The following B4GALT7 variants were observed in gnomAD, a reference collection of about 807,000 sequenced individuals.
B4GALT7 encodes the protein beta-1,4-galactosyltransferase 7.
A neutral mutation model predicts 33.0 loss-of-function variants in B4GALT7; 30 were observed. The observed-to-expected ratio is 0.91, with a 90% CI of 0.68 to 1.23. B4GALT7 has a LOEUF of 1.23. Ranked by LOEUF, B4GALT7 falls within the 50% of genes most tolerant of loss-of-function variation. The pLI is 0.00. For missense variants in B4GALT7, 507 were observed against 450.8 expected (o/e 1.12, Z -1.13); for synonymous variants, 213 against 187.2 (o/e 1.14, Z -1.13).
rs1581992878 is a variant in B4GALT7 at position 177,604,540 on chromosome 5, A to C, written c.412A>C (p.Arg138=). The change falls in exon 2 of 6, where the codon AGG becomes CGG. Residue 138 remains arginine (R), a splice_region_variant and synonymous_variant. Coordinates refer to ENST00000029410, the MANE Select transcript of B4GALT7 (RefSeq NM_007255.3). ...IYVLNQVDHF[R]FNRAALINVG... Reference sequence around the variant, plus strand: ...CGTGCTCAACCAGGTGGACCACTTCAGGTAGCGCCCGCCCCCACCCTCTCC... The same window carrying C: ...CGTGCTCAACCAGGTGGACCACTTCCGGTAGCGCCCGCCCCCACCCTCTCC... 4.3e-6 allele frequency: 7 copies of C among 1,613,642 alleles called. No homozygotes were observed. Among genetic ancestry groups the C allele is most frequent in the Non-Finnish European group, 5.9e-6 (7 of 1,179,914 alleles).
At position 177,610,072 on chromosome 5, in the gene B4GALT7, CAG is replaced by C. The variant is rs1191919023; in HGVS notation, c.*381_*382del. ...TTCCTTCCTGCTGGGCTGCCTCGTG[CAG>C]AGACACAGTGTAGGGGCCATGCAGC... On this transcript the variant is annotated 3_prime_UTR_variant, in exon 6 of 6. Transcript: ENST00000029410. The C allele has an allele frequency of 3.1e-6, 1 of 326,730 alleles. No homozygotes were observed. The highest frequency in any genetic ancestry group is 2.1e-5 in the African/African-American group (1 of 46,836). The allele number at this position is 326,730 out of a possible 1,614,324, so 20.2% of individuals were successfully genotyped here. A position where few individuals can be genotyped will look rare whatever the true frequency, so the allele number is the denominator to read the frequency against.
Position 177,608,323 on chromosome 5 carries a change from G to A in B4GALT7, c.640-216G>A. 7.0e-6 allele frequency: 4 copies of A among 575,090 alleles called. No individual in the cohort carries two copies. Among genetic ancestry groups the A allele is most frequent in the South Asian group, 4.1e-5 (2 of 48,672 alleles). 35.6% of individuals were successfully genotyped at this position (575,090 alleles called of 1,614,324 possible). A position where few individuals can be genotyped will look rare whatever the true frequency, so the allele number is the denominator to read the frequency against. On this transcript the variant is annotated intron_variant, in intron 3 of 5. Coordinates refer to ENST00000029410, the MANE Select transcript of B4GALT7 (RefSeq NM_007255.3). This position sits in a 1 kb window ranked among gnomAD's most constrained non-coding sequence, Gnocchi z 4.1. ...TGGGCAGCCAGCCGTTTTTGAGAAGGTGAGCCTCTCACACAGGTTCAAGGC... is the reference window on the plus strand; with the variant it reads ...TGGGCAGCCAGCCGTTTTTGAGAAGATGAGCCTCTCACACAGGTTCAAGGC...
chr5:177,609,814 A>C lies in B4GALT7; in HGVS notation c.*119A>C. 7.1e-7 allele frequency: 1 copy of C among 1,399,926 alleles called. No individual in the cohort carries two copies. The highest frequency in any genetic ancestry group is 9.8e-7 in the Non-Finnish European group (1 of 1,022,802). The allele number at this position is 1,399,926 out of a possible 1,614,324, so 86.7% of individuals were successfully genotyped here. On this transcript the variant is annotated 3_prime_UTR_variant, in exon 6 of 6. Coordinates refer to ENST00000029410, the MANE Select transcript of B4GALT7 (RefSeq NM_007255.3). ...TGGAGTGGCCAGGACCAAGACAGCA[A>C]GCTACGCAATTGCAGCCACCCGGCC...
At chr5:177,601,710 G>A (rs1364745261) in intron 1 of B4GALT7, among the ~76,000 whole-genome samples, 1 of 152,206 alleles carries the variant, frequency 6.6e-6, no homozygotes, top group Non-Finnish European at 1.5e-5. Context: ...AGTGATTGAT[G>A]AGGGAGACAA....
In B4GALT7 at chr5:177,607,521, C is replaced by T. The variant is rs1768051362; in HGVS notation, c.633C>T (p.Tyr211=). ...TCCTGCTGCTCTCCAAGCAGCACTA[C>T]CGGCTGGTGAGGCCCGGACAGCCTG... The part of the protein sequence containing the change: ...GGILLLSKQH[Y]RLCNGMSNRF... The change falls in exon 3 of 6, where the codon TAC becomes TAT. Residue 211 remains tyrosine (Y), a synonymous_variant. Coordinates refer to ENST00000029410, the MANE Select transcript of B4GALT7 (RefSeq NM_007255.3). 3 of 1,611,418 alleles carry T rather than the reference C, an allele frequency of 1.9e-6. No homozygotes were observed. Among genetic ancestry groups the T allele is most frequent in the Admixed American group, 1.7e-5 (1 of 60,034 alleles).
rs776644528 is a variant in B4GALT7, at chr5:177,604,306, G to T, written c.178G>T (p.Ala60Ser). 11 of 1,610,934 alleles carry T rather than the reference G, an allele frequency of 6.8e-6. No homozygotes were observed. In the South Asian group the frequency reaches 1.1e-4, roughly 16 times the overall value. The stretch of plus-strand genomic sequence containing the variant: ...CAGCTGCTCTGGGGACGTGGCCCGG[G>T]CAGTCAGGGGACAAGGGCAGGAGAC... Reference protein sequence around the residue: ...QLSCSGDVARAVRGQGQETSG... With the variant: ...QLSCSGDVARSVRGQGQETSG... The change falls in exon 2 of 6, where the codon GCA (alanine) becomes TCA (serine). Residue 60 changes from alanine (A) to serine (S), a missense_variant. By Grantham distance (99) the Ala-to-Ser change is moderately conservative. Coordinates refer to ENST00000029410, the MANE Select transcript of B4GALT7 (RefSeq NM_007255.3).
chr5:177,603,572 C>T (rs901379), intron 1 of B4GALT7, among the ~76,000 whole-genome samples: 61,399 of 152,046 alleles, frequency 0.4, 12,435 homozygotes, highest in Non-Finnish European at 0.41. Flanking sequence ...TGAACCGCCA[C>T]TGACAGTTTG....
At chr5:177,604,891 C>G (rs1359190819) in intron 2 of B4GALT7, among the ~76,000 whole-genome samples, 1 of 151,942 alleles carries the variant, frequency 6.6e-6, no homozygotes, top group African/African-American at 2.4e-5. Context: ...GGGGATTGGC[C>G]CGGGGATTAG....
chr5:177,609,078 C>T (rs887492208), intron 5 of B4GALT7, 64 bp downstream of exon 5: 1 of 1,453,194 alleles, frequency 6.9e-7, no homozygotes, highest in African/African-American at 1.4e-5. Context: ...CAGGCCCGGG[C>T]TTTCACCAAG....
rs1379681830 is a variant in B4GALT7 at position 177,606,245 on chromosome 5, A to G, written c.414-1057A>G. ...AAACTCCAGGCTCAACAGCCCAGCC[A>G]TCTACACAGTCCCTCCACGTGGTGG... On this transcript the variant is annotated intron_variant, in intron 2 of 5. Transcript: ENST00000029410. This position sits in a 1 kb window ranked among gnomAD's most constrained non-coding sequence, Gnocchi z 4.2. 1 of 152,168 alleles carries G rather than the reference A, an allele frequency of 6.6e-6. No homozygotes were observed. The highest frequency in any genetic ancestry group is 1.5e-5 in the Non-Finnish European group (1 of 68,146). The allele number at this position is 152,168 out of a possible 1,614,324, so 9.4% of individuals were successfully genotyped here. A position where few individuals can be genotyped will look rare whatever the true frequency, so the allele number is the denominator to read the frequency against.
Position 177,604,664 on chromosome 5 carries a change from G to C in B4GALT7, c.413+123G>C, listed in dbSNP as rs1278498492. 3.8e-6 allele frequency: 5 copies of C among 1,303,106 alleles called. No homozygotes were observed. In the African/African-American group the frequency reaches 7.3e-5, roughly 19 times the overall value. 80.7% of individuals were successfully genotyped at this position (1,303,106 alleles called of 1,614,324 possible). ...GGAGGTGGCAGACCCCTCTCACTGG[G>C]TGTGACAGGAACCTTTGGAGAGGGC... On this transcript the variant is annotated intron_variant, in intron 2 of 5. Coordinates refer to ENST00000029410, the MANE Select transcript of B4GALT7 (RefSeq NM_007255.3).
In B4GALT7 at chr5:177,609,741, C is replaced by T. The variant is rs754704727; in HGVS notation, c.*46C>T. 6.4e-7 allele frequency: 1 copy of T among 1,558,866 alleles called. No individual in the cohort carries two copies. The highest frequency in any genetic ancestry group is 1.9e-5 in the Admixed American group (1 of 51,562). ...GCCTGTACCTACAGGCCATATTGCT[C>T]AGGCTCAGGACAAGGCCTCAGGTCG... On this transcript the variant is annotated 3_prime_UTR_variant, in exon 6 of 6. Coordinates refer to ENST00000029410, the MANE Select transcript of B4GALT7 (RefSeq NM_007255.3).
At position 177,609,968 on chromosome 5, in the gene B4GALT7, T is replaced by C; in HGVS notation, c.*273T>C. On this transcript the variant is annotated 3_prime_UTR_variant, in exon 6 of 6. Transcript: ENST00000029410. ...CCCCCTGCCTTCCTGCTCACCCTACTCTGACCTCCTTCACGTGCCCAGGCC... is the reference window on the plus strand; with the variant it reads ...CCCCCTGCCTTCCTGCTCACCCTACCCTGACCTCCTTCACGTGCCCAGGCC... 1 of 518,190 alleles carries C rather than the reference T, an allele frequency of 1.9e-6. No homozygotes were observed. The highest frequency in any genetic ancestry group is 3.5e-6 in the Non-Finnish European group (1 of 284,022). 32.1% of individuals were successfully genotyped at this position (518,190 alleles called of 1,614,324 possible).
At chr5:177,607,244 G>T (rs1432958417) in intron 2 of B4GALT7, 58 bp from the exon 3 acceptor site, 1 of 1,491,152 alleles carries the variant, frequency 6.7e-7, no homozygotes, top group Admixed American at 1.9e-5. Flanking sequence ...GGTGGGTGCT[G>T]AGCCCCAGGC....
chr5:177,605,262 G>T, intron 2 of B4GALT7: 1 of 335,478 alleles, frequency 3.0e-6, no homozygotes, highest in Non-Finnish European at 5.9e-6. Context: ...CGTAATCCCA[G>T]CCTGATTTAC....
intron 2 of B4GALT7, chr5:177,607,090 C>T: frequency 3.2e-6 from 2 of 619,662 alleles, no homozygotes; most frequent in South Asian, 3.6e-5. Flanking sequence ...CCTGGTTTTT[C>T]ACTGCTGTAC....
In B4GALT7 at chr5:177,608,429, G is replaced by A. The variant is rs750727276; in HGVS notation, c.640-110G>A. ...GAAGTGCAGGAGCCTGCAAGCACCC[G>A]GGGCTTATTCAGAGGCGCTGGGGGA... On this transcript the variant is annotated intron_variant, in intron 3 of 5. Coordinates refer to ENST00000029410, the MANE Select transcript of B4GALT7 (RefSeq NM_007255.3). This position sits in a 1 kb window ranked among gnomAD's most constrained non-coding sequence, Gnocchi z 4.1. The A allele has an allele frequency of 2.8e-5, 27 of 973,784 alleles. No homozygotes were observed. The highest frequency in any genetic ancestry group is 2.7e-4 in the Middle Eastern group (1 of 3,770). 60.3% of individuals were successfully genotyped at this position (973,784 alleles called of 1,614,324 possible).
In B4GALT7 at chr5:177,610,011, G is replaced by T; in HGVS notation, c.*316G>T. 2.3e-6 allele frequency: 1 copy of T among 432,024 alleles called. No individual in the cohort carries two copies. Among genetic ancestry groups the T allele is most frequent in the Non-Finnish European group, 4.4e-6 (1 of 229,642 alleles). The allele number at this position is 432,024 out of a possible 1,614,324, so 26.8% of individuals were successfully genotyped here. ...CCCAGGCCTGTGGGTAGTGGGGAGG[G>T]CTGAACAGGACAACCTCTCATCACC... On this transcript the variant is annotated 3_prime_UTR_variant, in exon 6 of 6. Transcript: ENST00000029410.
Position 177,604,397 on chromosome 5 carries a change from G to A in B4GALT7, c.269G>A (p.Trp90Ter). 1 of 1,613,686 alleles carries A rather than the reference G, an allele frequency of 6.2e-7. No homozygotes were observed. The highest frequency in any genetic ancestry group is 8.5e-7 in the Non-Finnish European group (1 of 1,179,818). ...GAGCACTGGGAAGAAGACGCATCCT[G>A]GGGCCCCCACCGCCTGGCAGTGCTG... is the stretch of plus-strand genomic sequence containing the variant. ...PPEHWEEDASWGPHRLAVLVP... is the reference protein window; with the variant it reads ...PPEHWEEDAS The change falls in exon 2 of 6, where the codon TGG becomes TAG. Residue 90 changes from tryptophan (W) to a stop codon, truncating the protein, a stop_gained. Coordinates refer to ENST00000029410, the MANE Select transcript of B4GALT7 (RefSeq NM_007255.3). LOFTEE classifies it high-confidence loss of function.
Sources: gnomAD v4.1 joint callset for allele counts (sites outside exome capture counted in the v4.1 genomes callset) on GRCh38, gnomAD v4.1.1 for gene constraint, Gnocchi (gnomAD v3.1) non-coding constraint, MANE v1.5 for transcripts, NCBI Gene and HGNC (gene_info 2026-07-23, HGNC 2026-07-21) for gene names.